The following COBL variants were observed in gnomAD, a reference collection of about 807,000 sequenced individuals.
COBL encodes the protein cordon-bleu WH2 repeat protein, also known as protein cordon-bleu.
A neutral mutation model predicts 98.8 loss-of-function variants in COBL; 51 were observed. The ratio of observed to expected loss-of-function variants is 0.52; its 90% confidence interval spans 0.41 to 0.65. COBL has a LOEUF of 0.65. Ranked by LOEUF, COBL falls within the 30% of genes least tolerant of loss-of-function variation. COBL has a pLI of 0.00. For missense variants in COBL, 1,617 were observed against 1,617.5 expected (o/e 1.00, Z 0.01); for synonymous variants, 634 against 651.7 (o/e 0.97, Z 0.41).
chr7:51,122,903 CAGG>C (rs1239649742), intron 6 of COBL, among the ~76,000 whole-genome samples: 5 of 151,830 alleles, frequency 3.3e-5, no homozygotes, highest in Non-Finnish European at 7.4e-5. Context: ...CGCTTGAACC[CAGG>C]AGGAGGAGGC....
chr7:51,260,476 C>G (rs1584335489), intron 1 of COBL, among the ~76,000 whole-genome samples: 1 of 152,312 alleles, frequency 6.6e-6, no homozygotes, highest in East Asian at 1.9e-4. Flanking sequence ...CTCCCTGATG[C>G]AAGTCCATCA....
intron 8 of COBL, 59 bp downstream of exon 8, chr7:51,043,324 C>T: frequency 6.5e-7 from 1 of 1,537,826 alleles, no homozygotes; most frequent in African/African-American, 1.4e-5. Flanking sequence ...AAAAGACCCT[C>T]TTTAGAGACA....
At chr7:51,068,243 G>A (rs930769774) in intron 7 of COBL, among the ~76,000 whole-genome samples, 1 of 152,188 alleles carries the variant, frequency 6.6e-6, no homozygotes, top group Non-Finnish European at 1.5e-5. Context: ...GGGAGAAATA[G>A]TTCCAAAGGT....
At chr7:51,293,853 T>C (rs1801136254) in intron 1 of COBL, among the ~76,000 whole-genome samples, 3 of 152,088 alleles carry the variant, frequency 2.0e-5, no homozygotes, top group African/African-American at 7.2e-5. Context: ...GGTCATTCTA[T>C]GCTTGGTAAG....
chr7:51,141,253 C>G (rs1175345179), intron 5 of COBL, among the ~76,000 whole-genome samples: 1 of 152,136 alleles, frequency 6.6e-6, no homozygotes, highest in African/African-American at 2.4e-5. Context: ...TTTGACATGG[C>G]TATTGAGGAA....
chr7:51,181,889 T>C (rs1789002653), intron 5 of COBL, among the ~76,000 whole-genome samples: 1 of 152,242 alleles, frequency 6.6e-6, no homozygotes, highest in Non-Finnish European at 1.5e-5. Context: ...CGGACGGGAC[T>C]GGATCACTGA....
chr7:51,059,407 A>G (rs1182553526), intron 7 of COBL, among the ~76,000 whole-genome samples: 1 of 152,210 alleles, frequency 6.6e-6, no homozygotes, highest in Non-Finnish European at 1.5e-5. Context: ...TGATGATGGT[A>G]AGTGAGGACT....
intron 1 of COBL, among the ~76,000 whole-genome samples, chr7:51,225,322 C>T (rs552890545): frequency 6.6e-6 from 1 of 152,306 alleles, no homozygotes; most frequent in African/African-American, 2.4e-5. Context: ...GAGTCTGAGA[C>T]TCAGATGCAT....
intron 7 of COBL, among the ~76,000 whole-genome samples, chr7:51,061,948 G>C (rs58174750): frequency 0.49 from 45,163 of 92,406 alleles, 7,844 homozygotes; most frequent in African/African-American, 0.57. Flanking sequence ...CCCCACCATA[G>C]ATACACACAC....
At chr7:51,254,324 T>G (rs1297138149) in intron 1 of COBL, among the ~76,000 whole-genome samples, 2 of 152,196 alleles carry the variant, frequency 1.3e-5, no homozygotes, top group Non-Finnish European at 2.9e-5. Context: ...GCGTATGACC[T>G]CCGATGATTA....
intron 12 of COBL, among the ~76,000 whole-genome samples, chr7:51,023,252 CAT>C (rs1468043137): frequency 1.3e-5 from 2 of 152,218 alleles, no homozygotes; most frequent in African/African-American, 4.8e-5. Flanking sequence ...TTCATCAACA[CAT>C]AAATTCCACA....
chr7:51,223,226 A>G (rs1793829987), intron 1 of COBL, among the ~76,000 whole-genome samples: 1 of 152,272 alleles, frequency 6.6e-6, no homozygotes, highest in Non-Finnish European at 1.5e-5. Context: ...TTGTTTGCCC[A>G]GCAGAGTGCT....
chr7:51,218,997 G>A (rs1266166228), intron 2 of COBL, among the ~76,000 whole-genome samples: 3 of 152,132 alleles, frequency 2.0e-5, no homozygotes, highest in African/African-American at 7.2e-5. Context: ...AGTAAGAATA[G>A]CACAAAACTA....
intron 7 of COBL, chr7:51,071,748 G>A (rs1792575095): frequency 6.6e-6 from 1 of 152,178 alleles, no homozygotes; most frequent in East Asian, 1.9e-4. Context: ...AATGCTTATT[G>A]CTGTAATTAT....
At chr7:51,224,647 A>T (rs9649865) in intron 1 of COBL, among the ~76,000 whole-genome samples, 1 of 151,892 alleles carries the variant, frequency 6.6e-6, no homozygotes, top group African/African-American at 2.4e-5. Context: ...ACTGACAGAC[A>T]GCACACCACG....
chr7:51,151,428 C>T (rs1434927370), intron 5 of COBL, among the ~76,000 whole-genome samples: 2 of 152,110 alleles, frequency 1.3e-5, no homozygotes, highest in Non-Finnish European at 2.9e-5. Flanking sequence ...AAGAAATCTG[C>T]CCCCACTCTG....
intron 1 of COBL, among the ~76,000 whole-genome samples, chr7:51,220,237 C>A (rs1563055421): frequency 6.6e-6 from 1 of 152,154 alleles, no homozygotes; most frequent in Non-Finnish European, 1.5e-5. Context: ...GTGGGTGCAG[C>A]AGGGTTTCGC....
chr7:51,119,230 A>T (rs1797538324), intron 6 of COBL, among the ~76,000 whole-genome samples: 1 of 152,222 alleles, frequency 6.6e-6, no homozygotes, highest in Non-Finnish European at 1.5e-5. Flanking sequence ...CATAGTATTT[A>T]GGCTACCTAA....
intron 7 of COBL, among the ~76,000 whole-genome samples, chr7:51,061,446 G>C (rs763100119): frequency 1.3e-5 from 2 of 152,022 alleles, no homozygotes; most frequent in African/African-American, 2.4e-5. Context: ...GTGCATTTTC[G>C]GTTGTATACA....
Sources: allele counts gnomAD v4.1 joint callset (sites outside exome capture counted in the v4.1 genomes callset), GRCh38; gene constraint gnomAD v4.1.1; transcripts MANE v1.5; gene names NCBI Gene and HGNC (gene_info 2026-07-23, HGNC 2026-07-21).